The following TRMT11 variants were observed in gnomAD, a reference collection of about 807,000 sequenced individuals.
The protein encoded by TRMT11 is tRNA (guanine(10)-N(2))-methyltransferase TRMT11.
TRMT11 carries 53 observed loss-of-function variants against 62.8 expected under a neutral mutation model. That is an observed-to-expected ratio of 0.84 (90% confidence interval 0.68 to 1.06). The LOEUF (loss-of-function observed/expected upper bound fraction) is 1.06. TRMT11 is among the 50% of genes least tolerant of loss of function. The pLI is 0.00. For synonymous variants in TRMT11, 188 were observed against 190.3 expected, an observed-to-expected ratio of 0.99 and a Z score of 0.10; for missense variants, 556 against 553.4, an observed-to-expected ratio of 1.00 and a Z score of -0.05.
chr6:126,258,576 G>C, the TRMT11 span, among the ~76,000 whole-genome samples: 1 of 152,174 alleles, frequency 6.6e-6, no homozygotes, highest in African/African-American at 2.4e-5. Context: ...GGTCTGTTCA[G>C]ATTTTCTATT....
chr6:126,151,927 C>CTT (rs1185790247), intron 21 of TRMT11, among the ~76,000 whole-genome samples: 2 of 92,226 alleles, frequency 2.2e-5, no homozygotes, highest in African/African-American at 5.3e-5. Context: ...TTCTTTCTTT[C>CTT]TTTCTTTCTT....
intron 16 of TRMT11, among the ~76,000 whole-genome samples, chr6:126,048,450 C>T (rs1012626840): frequency 6.6e-6 from 1 of 152,182 alleles, no homozygotes; most frequent in African/African-American, 2.4e-5. Context: ...AGATTGAAGA[C>T]ATCCTTCCTT....
At chr6:126,040,735 A>G (rs1775851504), downstream of TRMT11, among the ~76,000 whole-genome samples, 1 of 152,088 alleles carries the variant, frequency 6.6e-6, no homozygotes, top group Non-Finnish European at 1.5e-5. Flanking sequence ...TTTAATGTTT[A>G]TAATATGACA....
At chr6:126,071,630 C>T (rs535164972) in intron 17 of TRMT11, among the ~76,000 whole-genome samples, 55 of 150,450 alleles carry the variant, frequency 3.7e-4, no homozygotes, top group African/African-American at 1.3e-3. Context: ...CGATGATCAG[C>T]GAGAGAGTAA....
chr6:126,020,801 T>C (rs1795705420), intron 11 of TRMT11, among the ~76,000 whole-genome samples: 1 of 152,240 alleles, frequency 6.6e-6, no homozygotes, highest in Non-Finnish European at 1.5e-5. Flanking sequence ...GATGAATCAG[T>C]CCTTCATGAA....
At chr6:126,097,991 C>T (rs912415523) in intron 17 of TRMT11, among the ~76,000 whole-genome samples, 1 of 152,018 alleles carries the variant, frequency 6.6e-6, no homozygotes, top group African/African-American at 2.4e-5. Flanking sequence ...ATTTTAATGA[C>T]CTGAAGAATT....
chr6:125,999,437 A>G lies in TRMT11; in HGVS notation c.523-20A>G. 1.1e-5 allele frequency: 18 copies of G among 1,575,224 alleles called. No individual in the cohort carries two copies. The highest frequency in any genetic ancestry group is 1.5e-5 in the Non-Finnish European group (17 of 1,160,172). Reference sequence around the variant, plus strand: ...CTATTCTGTATGGCTATACTAACATAAGAAATATCTCTGATTTAGATTGCA... The same window carrying G: ...CTATTCTGTATGGCTATACTAACATGAGAAATATCTCTGATTTAGATTGCA... On this transcript the variant is annotated intron_variant, in intron 6 of 12. Transcript: ENST00000334379.
chr6:126,260,622 G>A, the TRMT11 span, among the ~76,000 whole-genome samples: 3 of 152,110 alleles, frequency 2.0e-5, no homozygotes, highest in Non-Finnish European at 4.4e-5. Context: ...GTCTAATGGT[G>A]ATGAATTCTC....
At chr6:126,012,738 T>C in intron 9 of TRMT11, 33 bp from the exon 10 acceptor site, 2 of 1,569,548 alleles carry the variant, frequency 1.3e-6, no homozygotes, top group Non-Finnish European at 1.7e-6. Context: ...TGGTGACTTT[T>C]GACTATCTGT....
intron 16 of TRMT11, among the ~76,000 whole-genome samples, chr6:126,051,748 T>A (rs1002323491): frequency 6.6e-6 from 1 of 151,954 alleles, no homozygotes; most frequent in Admixed American, 6.6e-5. Context: ...CTGGAATAGA[T>A]GATAATGGGA....
At chr6:126,007,292 G>A (rs986532925) in intron 7 of TRMT11, among the ~76,000 whole-genome samples, 1 of 151,880 alleles carries the variant, frequency 6.6e-6, no homozygotes, top group Non-Finnish European at 1.5e-5. Context: ...GGCTATGGAA[G>A]GAACATCATT....
intron 16 of TRMT11, among the ~76,000 whole-genome samples, chr6:126,046,787 T>C (rs1025392920): frequency 7.2e-5 from 11 of 152,196 alleles, no homozygotes; most frequent in African/African-American, 2.2e-4. Flanking sequence ...GGGTATGACC[T>C]GTTGAACCAA....
intron 21 of TRMT11, among the ~76,000 whole-genome samples, chr6:126,119,208 C>T (rs1030618693): frequency 6.6e-5 from 10 of 152,106 alleles, no homozygotes; most frequent in South Asian, 2.1e-4. Flanking sequence ...AAAGTGAAAG[C>T]TCCCTAAACA....
the TRMT11 span, among the ~76,000 whole-genome samples, chr6:126,270,310 G>A: frequency 6.6e-6 from 1 of 152,110 alleles, no homozygotes; most frequent in Admixed American, 6.5e-5. Flanking sequence ...TGAGAGCCAG[G>A]GTACTCACAG....
At chr6:125,992,572 C>T (rs998775811) in intron 1 of TRMT11, among the ~76,000 whole-genome samples, 12 of 152,206 alleles carry the variant, frequency 7.9e-5, no homozygotes, top group African/African-American at 2.7e-4. Flanking sequence ...AGGTTCTATG[C>T]TTCTCTCTTT....
chr6:126,167,992 C>T (rs146869922), intron 21 of TRMT11, among the ~76,000 whole-genome samples: 4 of 152,300 alleles, frequency 2.6e-5, no homozygotes, highest in Admixed American at 1.3e-4. Context: ...TTTGTTTGGA[C>T]TTGGGTCAGT....
intron 12 of TRMT11, among the ~76,000 whole-genome samples, chr6:126,032,006 G>A (rs1026588183): frequency 2.6e-5 from 4 of 152,068 alleles, no homozygotes; most frequent in African/African-American, 7.2e-5. Flanking sequence ...GGCAGGACTC[G>A]GTGACTAATT....
chr6:126,094,743 A>G (rs912669819), intron 17 of TRMT11, among the ~76,000 whole-genome samples: 4 of 152,194 alleles, frequency 2.6e-5, no homozygotes, highest in African/African-American at 9.7e-5. Context: ...GTTCAGGAAC[A>G]TTCTTGGGAC....
At chr6:126,260,127 A>G in the TRMT11 span, among the ~76,000 whole-genome samples, 1 of 152,208 alleles carries the variant, frequency 6.6e-6, no homozygotes, top group Non-Finnish European at 1.5e-5. Flanking sequence ...GTTGTTTAAT[A>G]GATTCTTTAC....
Sources: allele counts gnomAD v4.1 joint callset (sites outside exome capture counted in the v4.1 genomes callset), GRCh38; gene constraint gnomAD v4.1.1; transcripts MANE v1.5; gene names NCBI Gene and HGNC (gene_info 2026-07-23, HGNC 2026-07-21).